DLGAP2: variants seen among roughly 807,000 people sequenced by gnomAD.
DLGAP2 encodes the protein DLG associated protein 2, also known as disks large-associated protein 2.
DLGAP2 carries 26 observed loss-of-function variants against 100.3 expected under a neutral mutation model. That is an observed-to-expected ratio of 0.26 (90% CI 0.19 to 0.36). DLGAP2 has a LOEUF of 0.36. Ranked by LOEUF, DLGAP2 falls within the 10% of genes least tolerant of loss-of-function variation. The pLI is 1.00. For synonymous variants in DLGAP2, 886 were observed against 630.1 expected, an observed-to-expected ratio of 1.41 and a Z score of -6.08; for missense variants, 1,858 against 1,453.2, an observed-to-expected ratio of 1.28 and a Z score of -4.53.
intron 11 of DLGAP2, 99 bp from the exon 12 acceptor site, chr8:1,678,115 T>G: frequency 1.4e-6 from 2 of 1,387,340 alleles, no homozygotes; most frequent in Non-Finnish European, 1.9e-6. Flanking sequence ...CGCCAGGCTG[T>G]TGAGCTCAGG....
At chr8:1,433,642 T>C (rs1797524501) in intron 3 of DLGAP2, among the ~76,000 whole-genome samples, 1 of 151,686 alleles carries the variant, frequency 6.6e-6, no homozygotes, top group Non-Finnish European at 1.5e-5. Flanking sequence ...TTTTTCTGTA[T>C]CCACAAACAC....
At chr8:1,004,397 G>A (rs548943875) in intron 2 of DLGAP2, among the ~76,000 whole-genome samples, 1 of 152,156 alleles carries the variant, frequency 6.6e-6, no homozygotes, top group Non-Finnish European at 1.5e-5. Flanking sequence ...TTTGCATTTT[G>A]AGATTATTAC....
At chr8:1,184,624 G>T (rs547729576) in intron 2 of DLGAP2, among the ~76,000 whole-genome samples, 1 of 152,198 alleles carries the variant, frequency 6.6e-6, no homozygotes, top group African/African-American at 2.4e-5. Context: ...CCGAGCCTGG[G>T]GCTGGAGTGC....
At chr8:914,268 G>A (rs1798546472) in intron 2 of DLGAP2, among the ~76,000 whole-genome samples, 1 of 152,178 alleles carries the variant, frequency 6.6e-6, no homozygotes, top group South Asian at 2.1e-4. Flanking sequence ...CCCGTGACCC[G>A]CCTCTAATGA....
At chr8:1,486,934 A>T (rs1157878151) in intron 3 of DLGAP2, among the ~76,000 whole-genome samples, 2 of 152,200 alleles carry the variant, frequency 1.3e-5, no homozygotes, top group East Asian at 3.9e-4. Flanking sequence ...CAACCCAGGG[A>T]GACCAGCCAC....
At chr8:755,125 G>A (rs1036536881) in intron 1 of DLGAP2, among the ~76,000 whole-genome samples, 7 of 152,138 alleles carry the variant, frequency 4.6e-5, no homozygotes, top group Admixed American at 6.5e-5. Flanking sequence ...TTGGCCTTGA[G>A]TGTGCTTTTG....
intron 3 of DLGAP2, among the ~76,000 whole-genome samples, chr8:1,410,404 C>T (rs1584870360): frequency 6.6e-6 from 1 of 152,202 alleles, no homozygotes; most frequent in African/African-American, 2.4e-5. Context: ...TTGAAATACT[C>T]GCTGAGTGCT....
At chr8:1,614,473 A>G (rs1797084185) in intron 6 of DLGAP2, among the ~76,000 whole-genome samples, 1 of 152,224 alleles carries the variant, frequency 6.6e-6, no homozygotes, top group African/African-American at 2.4e-5. Context: ...CCTCTGCCGC[A>G]GCTGCCATTG....
intron 2 of DLGAP2, among the ~76,000 whole-genome samples, chr8:1,191,418 C>T (rs1402547185): frequency 3.9e-5 from 6 of 152,186 alleles, no homozygotes; most frequent in Non-Finnish European, 7.3e-5. Context: ...GATCTGCCCG[C>T]CTCAGCCTCC....
intron 2 of DLGAP2, among the ~76,000 whole-genome samples, chr8:1,167,976 A>C (rs1218727144): frequency 6.6e-6 from 1 of 151,136 alleles, no homozygotes; most frequent in Non-Finnish European, 1.5e-5. Context: ...GGTGTGCTGC[A>C]CCCATTAACT....
chr8:1,565,055 T>C (rs2130573557), intron 5 of DLGAP2, among the ~76,000 whole-genome samples: 1 of 152,304 alleles, frequency 6.6e-6, no homozygotes, highest in African/African-American at 2.4e-5. Flanking sequence ...TGATCAGCTC[T>C]GTACCACCCA....
chr8:899,506 C>T (rs1798209885), intron 1 of DLGAP2, among the ~76,000 whole-genome samples: 1 of 152,208 alleles, frequency 6.6e-6, no homozygotes, highest in Admixed American at 6.5e-5. Context: ...GAGGGGAGTT[C>T]TGGTCCTGGC....
At chr8:1,050,797 C>G (rs1355479940) in intron 2 of DLGAP2, among the ~76,000 whole-genome samples, 2 of 152,164 alleles carry the variant, frequency 1.3e-5, no homozygotes, top group African/African-American at 4.8e-5. Flanking sequence ...AACCTTGAGT[C>G]AGGAGGTCTG....
intron 6 of DLGAP2, among the ~76,000 whole-genome samples, chr8:1,589,016 G>A (rs776805322): frequency 6.6e-6 from 1 of 152,174 alleles, no homozygotes; most frequent in Non-Finnish European, 1.5e-5. Flanking sequence ...TTGAGCAAAT[G>A]CCATGGTACC....
At chr8:988,476 G>GT (rs1450015578) in intron 2 of DLGAP2, among the ~76,000 whole-genome samples, 3 of 152,106 alleles carry the variant, frequency 2.0e-5, no homozygotes, top group Non-Finnish European at 2.9e-5. Context: ...GGGATGTGGC[G>GT]TCTTCTTTTT....
At chr8:1,203,209 T>C (rs1000644932) in intron 2 of DLGAP2, among the ~76,000 whole-genome samples, 3 of 152,204 alleles carry the variant, frequency 2.0e-5, no homozygotes, top group African/African-American at 4.8e-5. Context: ...ATTATAGACG[T>C]GTGTGTCCTG....
chr8:1,360,030 A>G (rs1032500329), intron 3 of DLGAP2, among the ~76,000 whole-genome samples: 1 of 152,056 alleles, frequency 6.6e-6, no homozygotes, highest in African/African-American at 2.4e-5. Flanking sequence ...GAAGAACAGG[A>G]CCATCGCGAG....
chr8:1,625,885 C>T (rs1797477808), intron 6 of DLGAP2, among the ~76,000 whole-genome samples: 3 of 152,074 alleles, frequency 2.0e-5, no homozygotes, highest in African/African-American at 4.8e-5. Flanking sequence ...CAAAGTTACT[C>T]ATCAAGACAC....
chr8:1,111,134 G>A (rs1804944056), intron 2 of DLGAP2, among the ~76,000 whole-genome samples: 1 of 152,222 alleles, frequency 6.6e-6, no homozygotes, highest in South Asian at 2.1e-4. Context: ...GAACATCACT[G>A]ATGGCAGGGC....
Sources: allele counts gnomAD v4.1 joint callset (sites outside exome capture counted in the v4.1 genomes callset), GRCh38; gene constraint gnomAD v4.1.1; transcripts MANE v1.5; gene names NCBI Gene and HGNC (gene_info 2026-07-23, HGNC 2026-07-21).